AKAP19: variants seen among roughly 807,000 people sequenced by gnomAD.
AKAP19 encodes the protein small A-kinase anchoring protein.
chr2:189,958,977 T>C, the AKAP19 span, among the ~76,000 whole-genome samples: 1 of 151,796 alleles, frequency 6.6e-6, no homozygotes, highest in Admixed American at 6.6e-5. Context: ...GAAAATAAAA[T>C]ACACAAAAGT....
the AKAP19 span, among the ~76,000 whole-genome samples, chr2:190,183,289 G>A: frequency 1.2e-4 from 19 of 152,174 alleles, no homozygotes; most frequent in Non-Finnish European, 2.5e-4. Context: ...TTGGCCTTCA[G>A]TAGATTTTGC....
At chr2:190,160,843 C>T in the AKAP19 span, among the ~76,000 whole-genome samples, 4 of 152,060 alleles carry the variant, frequency 2.6e-5, no homozygotes, top group African/African-American at 7.2e-5. Flanking sequence ...GGATAAGTAA[C>T]TTTTAATTCA....
the AKAP19 span, among the ~76,000 whole-genome samples, chr2:190,138,101 G>T: frequency 6.6e-6 from 1 of 152,186 alleles, no homozygotes; most frequent in Non-Finnish European, 1.5e-5. Context: ...ACCTACTACT[G>T]AGAATGTAAG....
At chr2:190,076,971 C>G in the AKAP19 span, among the ~76,000 whole-genome samples, 1 of 152,194 alleles carries the variant, frequency 6.6e-6, no homozygotes, top group South Asian at 2.1e-4. Context: ...GTCTCTTTTT[C>G]TCTCTGTACT....
At chr2:189,996,265 A>G in the AKAP19 span, among the ~76,000 whole-genome samples, 4 of 152,248 alleles carry the variant, frequency 2.6e-5, no homozygotes, top group East Asian at 7.7e-4. Flanking sequence ...CATAATCCCA[A>G]TTTTTGGGGG....
the AKAP19 span, among the ~76,000 whole-genome samples, chr2:190,001,880 C>T: frequency 6.6e-6 from 1 of 152,148 alleles, no homozygotes; most frequent in Non-Finnish European, 1.5e-5. Flanking sequence ...ATGTGATTGC[C>T]CCTACCAGGA....
At chr2:190,157,097 C>T in the AKAP19 span, among the ~76,000 whole-genome samples, 3 of 152,066 alleles carry the variant, frequency 2.0e-5, no homozygotes, top group African/African-American at 7.2e-5. Flanking sequence ...AAGGACTTCC[C>T]TTGAGCTAGG....
chr2:189,958,041 G>T, the AKAP19 span, among the ~76,000 whole-genome samples: 3 of 152,060 alleles, frequency 2.0e-5, no homozygotes, highest in Admixed American at 1.3e-4. Context: ...TAATCCACTC[G>T]CCTCAGCCTC....
the AKAP19 span, chr2:190,202,814 C>T: frequency 1.8e-5 from 3 of 167,012 alleles, no homozygotes; most frequent in Non-Finnish European, 4.4e-5. Flanking sequence ...TGTGCAAATT[C>T]CTTATTTACA....
the AKAP19 span, among the ~76,000 whole-genome samples, chr2:190,178,615 G>A: frequency 2.0e-5 from 3 of 152,226 alleles, no homozygotes; most frequent in Admixed American, 6.5e-5. This position sits in a 1 kb window ranked among gnomAD's most constrained non-coding sequence, Gnocchi z 6.3. Flanking sequence ...CTATGATGGC[G>A]AAGGAAGGGT....
chr2:190,047,764 C>T, the AKAP19 span, among the ~76,000 whole-genome samples: 5 of 152,120 alleles, frequency 3.3e-5, no homozygotes, highest in Non-Finnish European at 7.4e-5. Flanking sequence ...AAATGTTATT[C>T]CTTTGAGAGG....
chr2:189,933,450 T>C, the AKAP19 span, among the ~76,000 whole-genome samples: 8 of 152,222 alleles, frequency 5.3e-5, no homozygotes, highest in Non-Finnish European at 1.0e-4. Context: ...TAGATGATTT[T>C]TAAACAGTCA....
chr2:190,057,091 C>A, the AKAP19 span: 1 of 677,372 alleles, frequency 1.5e-6, no homozygotes, highest in Non-Finnish European at 2.4e-6. Flanking sequence ...GGTTAAATGC[C>A]AACCATTGCA....
chr2:190,142,689 G>A, the AKAP19 span, among the ~76,000 whole-genome samples: 3 of 152,222 alleles, frequency 2.0e-5, no homozygotes, highest in Admixed American at 6.5e-5. Context: ...TAACAAACTG[G>A]TACTTTTGAT....
chr2:190,175,000 T>TTACATAGAG, the AKAP19 span, among the ~76,000 whole-genome samples: 592 of 65,274 alleles, frequency 9.1e-3, 3 homozygotes, highest in South Asian at 0.033. Flanking sequence ...GATACATAGA[T>TTACATAGAG]TACATGGAGT....
chr2:190,038,971 T>TTCTTC, the AKAP19 span, among the ~76,000 whole-genome samples: 2 of 99,022 alleles, frequency 2.0e-5, no homozygotes, highest in Non-Finnish European at 4.4e-5. Flanking sequence ...CTTCTTCTTC[T>TTCTTC]TTCTTCTTCT....
At chr2:189,940,971 G>A in the AKAP19 span, among the ~76,000 whole-genome samples, 2 of 152,144 alleles carry the variant, frequency 1.3e-5, no homozygotes, top group African/African-American at 4.8e-5. Flanking sequence ...ACCCTCAAAG[G>A]TCAAGGATAA....
chr2:190,018,476 A>G, the AKAP19 span, among the ~76,000 whole-genome samples: 1 of 151,940 alleles, frequency 6.6e-6, no homozygotes, highest in South Asian at 2.1e-4. Context: ...CAGCTCAAAA[A>G]TTTCTATTTG....
the AKAP19 span, among the ~76,000 whole-genome samples, chr2:190,033,542 G>T: frequency 6.6e-6 from 1 of 152,078 alleles, no homozygotes; most frequent in East Asian, 1.9e-4. Context: ...GTGAGGATGG[G>T]ACAAAACCAA....
Sources: allele counts gnomAD v4.1 joint callset (sites outside exome capture counted in the v4.1 genomes callset), GRCh38; gene constraint gnomAD v4.1.1; non-coding constraint Gnocchi (gnomAD v3.1); transcripts MANE v1.5; gene names NCBI Gene and HGNC (gene_info 2026-07-23, HGNC 2026-07-21).